Variants in GXYLT1 observed in about 807,000 individuals in gnomAD.
The protein encoded by GXYLT1 is glucoside xylosyltransferase 1, also known as glycosyltransferase 8 domain containing 3.
A neutral mutation model predicts 54.0 loss-of-function variants in GXYLT1; 29 were observed. The observed-to-expected ratio is 0.54, with a 90% confidence interval of 0.40 to 0.73. The LOEUF is 0.73. GXYLT1 is among the 30% of genes least tolerant of loss of function. GXYLT1 has a pLI of 0.00. For synonymous variants in GXYLT1, 176 were observed against 204.1 expected (o/e 0.86, Z 1.17); for missense variants, 490 against 553.4 (o/e 0.89, Z 1.15).
chr12:42,119,562 C>T (rs1448940600), intron 2 of GXYLT1, among the ~76,000 whole-genome samples: 1 of 151,998 alleles, frequency 6.6e-6, no homozygotes, highest in Non-Finnish European at 1.5e-5. Flanking sequence ...AATCCCAGAG[C>T]TTTGAGAGAC....
chr12:42,119,337 T>C (rs2065516825), intron 2 of GXYLT1, among the ~76,000 whole-genome samples, 166 bp from the exon 3 acceptor site: 1 of 151,918 alleles, frequency 6.6e-6, no homozygotes. Flanking sequence ...AACCAAGAGT[T>C]CAATGCTGCA....
intron 7 of GXYLT1, among the ~76,000 whole-genome samples, chr12:42,090,218 G>C (rs2065321963): frequency 6.6e-6 from 1 of 152,124 alleles, no homozygotes; most frequent in South Asian, 2.1e-4. Context: ...GACCTCTAAG[G>C]AAGAAGATAA....
chr12:42,102,680 TC>T (rs2065396904), intron 5 of GXYLT1, among the ~76,000 whole-genome samples: 1 of 152,124 alleles, frequency 6.6e-6, no homozygotes, highest in Non-Finnish European at 1.5e-5. Context: ...TAATTTATAC[TC>T]TTTGGTTTTT....
intron 1 of GXYLT1, among the ~76,000 whole-genome samples, chr12:42,143,415 GC>G (rs576161490): frequency 3.4e-4 from 52 of 152,248 alleles, no homozygotes; most frequent in Admixed American, 1.2e-3. Context: ...CGCTTTCCAC[GC>G]TGCTCCTCTG....
At chr12:42,103,027 A>G (rs573311453) in intron 5 of GXYLT1, among the ~76,000 whole-genome samples, 1 of 151,938 alleles carries the variant, frequency 6.6e-6, no homozygotes, top group African/African-American at 2.4e-5. Context: ...GTGGCCCAAT[A>G]TCAGCTCACT....
chr12:42,142,989 A>C (rs918697773), intron 1 of GXYLT1, among the ~76,000 whole-genome samples: 1 of 152,212 alleles, frequency 6.6e-6, no homozygotes, highest in Admixed American at 6.5e-5. Context: ...TTAACGTTTC[A>C]GTAATGATTA....
intron 7 of GXYLT1, among the ~76,000 whole-genome samples, chr12:42,094,135 C>G (rs2065342986): frequency 6.6e-6 from 1 of 151,750 alleles, no homozygotes; most frequent in Non-Finnish European, 1.5e-5. Flanking sequence ...CCAAGGATTG[C>G]TTGAGCCCAG....
At chr12:42,099,080 GACTGC>G (rs2065374929) in intron 5 of GXYLT1, among the ~76,000 whole-genome samples, 1 of 152,040 alleles carries the variant, frequency 6.6e-6, no homozygotes, top group Admixed American at 6.6e-5. Flanking sequence ...GCAATATTAA[GACTGC>G]ACTCCAAGAA....
intron 2 of GXYLT1, among the ~76,000 whole-genome samples, chr12:42,126,424 T>C (rs545784516): frequency 1.3e-5 from 2 of 152,066 alleles, no homozygotes; most frequent in Admixed American, 6.6e-5. Context: ...AAAGAGAGGA[T>C]TGAAAACAAA....
chr12:42,112,338 T>C (rs1484954076), intron 3 of GXYLT1, among the ~76,000 whole-genome samples: 1 of 152,044 alleles, frequency 6.6e-6, no homozygotes, highest in Non-Finnish European at 1.5e-5. Context: ...AAGATCAAAC[T>C]ACTCCAAGCT....
At chr12:42,143,144 A>G (rs1224570429) in intron 1 of GXYLT1, among the ~76,000 whole-genome samples, 1 of 152,226 alleles carries the variant, frequency 6.6e-6, no homozygotes, top group East Asian at 1.9e-4. Flanking sequence ...TGATGTTAAC[A>G]TCAGTCTAAT....
intron 3 of GXYLT1, 22 bp from the exon 4 acceptor site, chr12:42,109,713 CTG>C: frequency 7.9e-7 from 1 of 1,272,494 alleles, no homozygotes; most frequent in Non-Finnish European, 1.1e-6. Context: ...TAAAAAAAAA[CTG>C]TTTAGTTTCA....
chr12:42,129,584 T>C (rs1044852169), intron 2 of GXYLT1, among the ~76,000 whole-genome samples, 175 bp downstream of exon 2: 2 of 152,158 alleles, frequency 1.3e-5, no homozygotes, highest in African/African-American at 2.4e-5. Flanking sequence ...ATACACAGTA[T>C]GTACTAAAAA....
At chr12:42,125,516 GGAGGA>G (rs1565578363) in intron 2 of GXYLT1, among the ~76,000 whole-genome samples, 1 of 152,168 alleles carries the variant, frequency 6.6e-6, no homozygotes, top group Non-Finnish European at 1.5e-5. Flanking sequence ...GAGGAGTCCA[GGAGGA>G]GAGAGATCAA....
chr12:42,131,308 T>C (rs907643741), intron 1 of GXYLT1, among the ~76,000 whole-genome samples: 2 of 152,168 alleles, frequency 1.3e-5, no homozygotes, highest in African/African-American at 4.8e-5. Flanking sequence ...TGAATTCAAT[T>C]ATGAGTTACT....
intron 7 of GXYLT1, among the ~76,000 whole-genome samples, chr12:42,095,031 A>T (rs2065348035): frequency 6.6e-6 from 1 of 152,186 alleles, no homozygotes; most frequent in Non-Finnish European, 1.5e-5. Flanking sequence ...ATATAAAAAT[A>T]TTTCATAAAT....
intron 1 of GXYLT1, among the ~76,000 whole-genome samples, chr12:42,134,993 G>A (rs988128565): frequency 3.9e-5 from 6 of 152,156 alleles, no homozygotes; most frequent in African/African-American, 1.4e-4. Context: ...ACATTTAACT[G>A]TAAAAGGATT....
intron 2 of GXYLT1, among the ~76,000 whole-genome samples, chr12:42,121,265 C>T (rs1183188991): frequency 6.6e-6 from 1 of 152,158 alleles, no homozygotes; most frequent in Non-Finnish European, 1.5e-5. Flanking sequence ...AAAAGTAAGG[C>T]ATAATAGTCA....
intron 3 of GXYLT1, among the ~76,000 whole-genome samples, chr12:42,116,859 C>G (rs1420999291): frequency 6.6e-6 from 1 of 152,094 alleles, no homozygotes; most frequent in Non-Finnish European, 1.5e-5. Flanking sequence ...TTCACAATAG[C>G]AAAGACTTGG....
Sources: allele counts gnomAD v4.1 joint callset (sites outside exome capture counted in the v4.1 genomes callset), GRCh38; gene constraint gnomAD v4.1.1; transcripts MANE v1.5; gene names NCBI Gene and HGNC (gene_info 2026-07-23, HGNC 2026-07-21).